The following MFNG variants were observed in gnomAD, a reference collection of about 807,000 sequenced individuals.
MFNG encodes beta-1,3-N-acetylglucosaminyltransferase manic fringe.
A neutral mutation model predicts 34.2 loss-of-function variants in MFNG; 24 were observed. The observed-to-expected ratio is 0.70, with a 90% CI of 0.51 to 0.99. The LOEUF (loss-of-function observed/expected upper bound fraction) is 0.99, where lower values mean the gene tolerates loss of function less well. Among genes scored for constraint, MFNG ranks in the 50% least tolerant of loss-of-function variants. MFNG has a pLI of 0.00. For missense variants in MFNG, 383 were observed against 424.0 expected, an observed-to-expected ratio of 0.90 and a Z score of 0.85; for synonymous variants, 158 against 179.2, an observed-to-expected ratio of 0.88 and a Z score of 0.94.
chr22:37,471,524 T>TGGCTG (rs1300897135), intron 7 of MFNG, among the ~76,000 whole-genome samples: 1 of 151,476 alleles, frequency 6.6e-6, no homozygotes, highest in African/African-American at 2.4e-5. Context: ...CCGCCACCCC[T>TGGCTG]GGCCAGAATC....
intron 6 of MFNG, 149 bp downstream of exon 6, chr22:37,474,363 G>C: frequency 1.1e-6 from 1 of 896,592 alleles, no homozygotes; most frequent in Non-Finnish European, 1.7e-6. Flanking sequence ...TGCCACCCTA[G>C]GCCTCAGTTT....
At position 37,472,632 on chromosome 22, in the gene MFNG, G is replaced by A. The variant is rs565017161; in HGVS notation, c.814-104C>T. 17 of 1,142,112 alleles carry A rather than the reference G, an allele frequency of 1.5e-5. No homozygotes were observed. The East Asian group carries it at 4.7e-4, about 32-fold the overall frequency. 70.7% of individuals were successfully genotyped at this position (1,142,112 alleles called of 1,614,324 possible). A position where few individuals can be genotyped will look rare whatever the true frequency, so the allele number is the denominator to read the frequency against. ...GGAGGGGTTTTAAGCTGCAGGGAAAGCTGCCCGGGAACCTGAAATTCCCCG... is the reference window on the plus strand; with the variant it reads ...GGAGGGGTTTTAAGCTGCAGGGAAAACTGCCCGGGAACCTGAAATTCCCCG... On this transcript the variant is annotated intron_variant, in intron 6 of 7. Transcript: ENST00000356998.
chr22:37,470,271 C>CA (rs1289206055), intron 7 of MFNG, among the ~76,000 whole-genome samples: 1 of 152,148 alleles, frequency 6.6e-6, no homozygotes, highest in Non-Finnish European at 1.5e-5. Context: ...TCATAAGAAT[C>CA]AAAAATGTCT....
At chr22:37,475,633 C>G (rs1922003527) in intron 5 of MFNG, among the ~76,000 whole-genome samples, 1 of 152,144 alleles carries the variant, frequency 6.6e-6, no homozygotes, top group South Asian at 2.1e-4. Flanking sequence ...GCCCTGGATG[C>G]TTGTCCAAGG....
intron 7 of MFNG, among the ~76,000 whole-genome samples, chr22:37,470,575 G>C (rs927478550): frequency 6.6e-6 from 1 of 152,222 alleles, no homozygotes; most frequent in Non-Finnish European, 1.5e-5. Flanking sequence ...AGCTTCGTTC[G>C]TCTTGGAATT....
At chr22:37,484,059 G>A (rs549112435) in intron 1 of MFNG, among the ~76,000 whole-genome samples, 16 of 152,266 alleles carry the variant, frequency 1.1e-4, no homozygotes, top group Admixed American at 3.3e-4. Flanking sequence ...AGGGGTGGCC[G>A]GGGACCATCT....
At chr22:37,484,390 CA>C in intron 1 of MFNG, 2 of 152,436 alleles carry the variant, frequency 1.3e-5, no homozygotes, top group East Asian at 1.9e-4. Context: ...AGAAGTGAGC[CA>C]AAGGGTGAGA....
chr22:37,470,056 A>T (rs1227818742), intron 7 of MFNG, 27 bp from the exon 8 acceptor site: 2 of 1,555,774 alleles, frequency 1.3e-6, no homozygotes, highest in South Asian at 2.3e-5. Flanking sequence ...AAAGGACAGG[A>T]TGGTCACCCC....
chr22:37,470,321 C>T (rs1921751720), intron 7 of MFNG, among the ~76,000 whole-genome samples: 2 of 152,300 alleles, frequency 1.3e-5, no homozygotes, highest in South Asian at 4.1e-4. Flanking sequence ...AAATCACCCC[C>T]ACTTGAGAAC....
chr22:37,480,641 C>G (rs1450213004), intron 2 of MFNG, 80 bp downstream of exon 2: 1 of 1,405,028 alleles, frequency 7.1e-7, no homozygotes, highest in East Asian at 2.3e-5. Context: ...CCTGGGAACC[C>G]TCAGGCCAGG....
chr22:37,476,118 TTGA>T (rs1443320591), intron 5 of MFNG, among the ~76,000 whole-genome samples: 1 of 152,084 alleles, frequency 6.6e-6, no homozygotes, highest in African/African-American at 2.4e-5. Flanking sequence ...TGTGATCCTC[TTGA>T]TGGAGCACAG....
At position 37,486,199 on chromosome 22, in the gene MFNG, A is replaced by G; in HGVS notation, c.-22T>C. On this transcript the variant is annotated 5_prime_UTR_variant, in exon 1 of 8. Transcript: ENST00000356998. ...GCATTGGTTGGCCCTGGGACCCCAG[A>G]CAGCTCAGCCCCCAAATCCCAACCA... The G allele has an allele frequency of 6.6e-7, 1 of 1,519,014 alleles. No homozygotes were observed. The highest frequency in any genetic ancestry group is 8.8e-7 in the Non-Finnish European group (1 of 1,133,542). 94.1% of individuals were successfully genotyped at this position (1,519,014 alleles called of 1,614,324 possible).
rs1922547022 is a variant in MFNG, at chr22:37,486,161, G to A, written c.17C>T (p.Pro6Leu). MQCRLPRGLAGALLTL... is the reference protein window; with the variant it reads MQCRLLRGLAGALLTL... ...GAGGAGGGCTCCAGCCAGGCCCCGC[G>A]GGAGCCGGCACTGCATTGGTTGGCC... is the stretch of plus-strand genomic sequence containing the variant. Residue 6 changes from proline to leucine, a missense_variant, in exon 1 of 8, where the codon CCG becomes CTG. By Grantham distance (98) the Pro-to-Leu change is moderately conservative (BLOSUM62 -3). Transcript: ENST00000356998. 1 of 1,580,984 alleles carries A rather than the reference G, an allele frequency of 6.3e-7. No homozygotes were observed. The highest frequency in any genetic ancestry group is 8.6e-7 in the Non-Finnish European group (1 of 1,160,154).
intron 1 of MFNG, chr22:37,481,055 G>C: frequency 2.1e-6 from 1 of 473,882 alleles, no homozygotes; most frequent in East Asian, 3.7e-5. Context: ...CACCTGGGCA[G>C]CATCTCACCC....
chr22:37,481,073 TCACACACACACACAATCA>T (rs1247263818), intron 1 of MFNG: 18 of 438,954 alleles, frequency 4.1e-5, no homozygotes, highest in Middle Eastern at 6.1e-4. Context: ...CCCTCTTCTA[TCACACACACACACAATCA>T]CACACACACA....
chr22:37,473,131 A>G (rs1468357478), intron 6 of MFNG, among the ~76,000 whole-genome samples: 1 of 152,190 alleles, frequency 6.6e-6, no homozygotes, highest in Non-Finnish European at 1.5e-5. Context: ...GACTACTGTG[A>G]GGAACCAGAG....
chr22:37,483,651 A>G lies in MFNG; in HGVS notation c.255+2272T>C, dbSNP rs1238765649. ...GAAAAATTAGCCGGGCGTGGTGCGC[A>G]TGCCTGTAGTCCAAGCTACTCAGGA... On this transcript the variant is annotated intron_variant, in intron 1 of 7. Transcript: ENST00000356998. This position sits in a 1 kb window ranked among gnomAD's most constrained non-coding sequence, Gnocchi z 4.5. Among the ~76,000 whole-genome samples the G allele has an allele frequency of 1.3e-5, 2 of 152,096 alleles. No individual in the cohort carries two copies. The highest frequency in any genetic ancestry group is 4.2e-4 in the South Asian group (2 of 4,812).
Position 37,469,907 on chromosome 22 carries a change from G to T in MFNG, c.*56C>A. The T allele has an allele frequency of 7.1e-7, 1 of 1,413,740 alleles. No individual in the cohort carries two copies. Among genetic ancestry groups the T allele is most frequent in the Non-Finnish European group, 9.8e-7 (1 of 1,017,120 alleles). The allele number at this position is 1,413,740 out of a possible 1,614,324, so 87.6% of individuals were successfully genotyped here. Reference sequence around the variant, plus strand: ...TGCCAGGGACCCACAGTGCCACCTTGGGAGCCAAGGCACACCCAGAAGTCT... The same window carrying T: ...TGCCAGGGACCCACAGTGCCACCTTTGGAGCCAAGGCACACCCAGAAGTCT... On this transcript the variant is annotated 3_prime_UTR_variant, in exon 8 of 8. Transcript: ENST00000356998.
At chr22:37,479,570 G>C in intron 3 of MFNG, 72 bp from the exon 4 acceptor site, 1 of 1,582,692 alleles carries the variant, frequency 6.3e-7, no homozygotes, top group Non-Finnish European at 8.6e-7. Flanking sequence ...CACCCCCACA[G>C]TCGGTCAACA....
Sources: allele counts gnomAD v4.1 joint callset (sites outside exome capture counted in the v4.1 genomes callset), GRCh38; gene constraint gnomAD v4.1.1; non-coding constraint Gnocchi (gnomAD v3.1); transcripts MANE v1.5; gene names NCBI Gene and HGNC (gene_info 2026-07-23, HGNC 2026-07-21).